RAPH1: variants seen among roughly 807,000 people sequenced by gnomAD.
RAPH1 encodes the protein ras-associated and pleckstrin homology domains-containing protein 1.
In RAPH1, 18 loss-of-function variants were observed where a neutral mutation model predicts 88.1. That is an observed-to-expected ratio of 0.20 (90% CI 0.14 to 0.30). The LOEUF is 0.30. Among genes scored for constraint, RAPH1 ranks in the 10% least tolerant of loss-of-function variants. RAPH1 has a pLI of 1.00. For synonymous variants in RAPH1, 587 were observed against 559.0 expected, an observed-to-expected ratio of 1.05 and a Z score of -0.71; for missense variants, 1,448 against 1,543.2, an observed-to-expected ratio of 0.94 and a Z score of 1.03.
chr2:203,491,143 T>G, intron 3 of RAPH1, 71 bp downstream of exon 3: 2 of 844,410 alleles, frequency 2.4e-6, no homozygotes, highest in Non-Finnish European at 3.7e-6. Context: ...TATTGGGAAT[T>G]GCAGTTGTAC....
intron 1 of RAPH1, among the ~76,000 whole-genome samples, chr2:203,531,772 C>T (rs1690400220): frequency 6.6e-6 from 1 of 152,162 alleles, no homozygotes; most frequent in Non-Finnish European, 1.5e-5. Flanking sequence ...GAAACTGGAA[C>T]CTTTGTGCAT....
chr2:203,489,971 C>T lies in RAPH1; in HGVS notation c.345G>A (p.Thr115=), dbSNP rs774565613. ...SGNSKRQITE[T]KATQKLPVSR... ...TAACAGGCAATTTCTGAGTAGCTTT[C>T]GTTTCTGTGATTTGACGCTTACTGT... Residue 115 remains threonine, a synonymous_variant, in exon 4 of 14, where the codon ACG becomes ACA. Coordinates refer to ENST00000319170, the MANE Select transcript of RAPH1 (RefSeq NM_213589.3). 2.5e-6 allele frequency: 4 copies of T among 1,614,068 alleles called. No individual in the cohort carries two copies. Among genetic ancestry groups the T allele is most frequent in the East Asian group, 4.5e-5 (2 of 44,900 alleles).
chr2:203,472,202 A>G (rs1274621018), intron 4 of RAPH1, among the ~76,000 whole-genome samples: 1 of 150,464 alleles, frequency 6.6e-6, no homozygotes, highest in Non-Finnish European at 1.5e-5. Flanking sequence ...GCGTGATCTC[A>G]GCTCACTGCA....
At chr2:203,491,347 T>C (rs1158820636) in intron 2 of RAPH1, 28 bp from the exon 3 acceptor site, 6 of 1,435,794 alleles carry the variant, frequency 4.2e-6, no homozygotes, top group Middle Eastern at 1.8e-4. Flanking sequence ...TTAATAGTCA[T>C]ATTAAATTCA....
chr2:203,529,358 G>GT (rs894248514), intron 1 of RAPH1, among the ~76,000 whole-genome samples: 101 of 151,902 alleles, frequency 6.6e-4, no homozygotes, highest in African/African-American at 2.4e-3. Flanking sequence ...AAGCATCCAA[G>GT]TTTTTTATTG....
Position 203,495,238 on chromosome 2 carries a change from G to T in RAPH1, c.116C>A (p.Thr39Asn), listed in dbSNP as rs1413484264. The change falls in exon 2 of 14, where the codon ACT becomes AAT. Residue 39 changes from threonine to asparagine, a missense_variant. By Grantham distance (65) the Thr-to-Asn change is moderately conservative. Transcript: ENST00000319170. ...AGTTTTTCAAGCACTACTCACCTGA[G>T]TGAGTTTGTCTAGTTCTCCAAGCCA... ...GAWLGELDKL[T>N]QSLDSDKPME... is the part of the protein sequence containing the mutation. 1 of 1,613,984 alleles carries T rather than the reference G, an allele frequency of 6.2e-7. No individual in the cohort carries two copies. The highest frequency in any genetic ancestry group is 1.1e-5 in the South Asian group (1 of 91,066).
At chr2:203,505,223 T>G (rs567156137) in intron 1 of RAPH1, among the ~76,000 whole-genome samples, 1 of 152,050 alleles carries the variant, frequency 6.6e-6, no homozygotes, top group Non-Finnish European at 1.5e-5. Flanking sequence ...AAACCTGAGA[T>G]TGGGAAGAAA....
chr2:203,469,487 T>C (rs1390348653), intron 4 of RAPH1, among the ~76,000 whole-genome samples: 1 of 152,198 alleles, frequency 6.6e-6, no homozygotes. Flanking sequence ...AAACCTCAGA[T>C]ACAATAACAA....
chr2:203,520,973 T>C (rs1455432595), intron 1 of RAPH1, among the ~76,000 whole-genome samples: 2 of 152,222 alleles, frequency 1.3e-5, no homozygotes, highest in Non-Finnish European at 2.9e-5. Flanking sequence ...ATCGGCTCAT[T>C]CTGATAAAAA....
rs1405718401 is a variant in RAPH1, at chr2:203,434,285, AT to A, written c.*5151del. On this transcript the variant is annotated 3_prime_UTR_variant, in exon 14 of 14. Coordinates refer to ENST00000319170, the MANE Select transcript of RAPH1 (RefSeq NM_213589.3). ...ATGCTTTAAAAAAGTATACTTCTACATTGTATCTACCTATGGCAAAGCTCCC... is the reference window on the plus strand; with the variant it reads ...ATGCTTTAAAAAAGTATACTTCTACATGTATCTACCTATGGCAAAGCTCCC... The A allele has an allele frequency of 6.6e-6, 1 of 152,532 alleles. No individual in the cohort carries two copies. The highest frequency in any genetic ancestry group is 2.4e-5 in the African/African-American group (1 of 41,412). The allele number at this position is 152,532 out of a possible 1,614,324, so 9.4% of individuals were successfully genotyped here. A position where few individuals can be genotyped will look rare whatever the true frequency, so the allele number is the denominator to read the frequency against.
At chr2:203,450,307 A>C (rs1559452632) in intron 10 of RAPH1, among the ~76,000 whole-genome samples, 1 of 152,210 alleles carries the variant, frequency 6.6e-6, no homozygotes, top group Non-Finnish European at 1.5e-5. Flanking sequence ...ATTTAATACC[A>C]AAACCAATTT....
At chr2:203,457,656 A>C in intron 7 of RAPH1, 61 bp from the exon 8 acceptor site, 1 of 1,230,896 alleles carries the variant, frequency 8.1e-7, no homozygotes, top group Non-Finnish European at 1.2e-6. Flanking sequence ...TTAAAGCATA[A>C]ATCCATTCTG....
rs2098500064 is a variant in RAPH1 at position 203,438,231 on chromosome 2, G to T, written c.*1206C>A. On this transcript the variant is annotated 3_prime_UTR_variant, in exon 14 of 14. Coordinates refer to ENST00000319170, the MANE Select transcript of RAPH1 (RefSeq NM_213589.3). ...TGAAACTGTCTTCCCTCTCCATGTA[G>T]TCCCATACTTAATGAGCTTTTTGTA... The T allele has an allele frequency of 1.9e-6, 1 of 515,178 alleles. No individual in the cohort carries two copies. The highest frequency in any genetic ancestry group is 1.4e-5 in the South Asian group (1 of 70,496). 31.9% of individuals were successfully genotyped at this position (515,178 alleles called of 1,614,324 possible). A position where few individuals can be genotyped will look rare whatever the true frequency, so the allele number is the denominator to read the frequency against.
intron 1 of RAPH1, among the ~76,000 whole-genome samples, chr2:203,499,729 A>C (rs1328153050): frequency 6.6e-6 from 1 of 152,172 alleles, no homozygotes; most frequent in East Asian, 1.9e-4. Flanking sequence ...AAAAAACTTA[A>C]GAAACTTACT....
chr2:203,499,991 G>A (rs1439095592), intron 1 of RAPH1, among the ~76,000 whole-genome samples: 1 of 152,148 alleles, frequency 6.6e-6, no homozygotes, highest in East Asian at 1.9e-4. Flanking sequence ...GGACAGCAGA[G>A]TGCTATCAGA....
chr2:203,471,055 C>G (rs2098532668), intron 4 of RAPH1, among the ~76,000 whole-genome samples: 1 of 152,180 alleles, frequency 6.6e-6, no homozygotes, highest in Non-Finnish European at 1.5e-5. Context: ...CTTAACTTTT[C>G]AGTAACATGT....
chr2:203,450,146 A>G (rs1212532969), intron 10 of RAPH1, among the ~76,000 whole-genome samples: 2 of 152,218 alleles, frequency 1.3e-5, no homozygotes, highest in Non-Finnish European at 2.9e-5. Context: ...AGCAATTTAA[A>G]TAAGTTTTCA....
intron 1 of RAPH1, among the ~76,000 whole-genome samples, chr2:203,514,353 GT>G (rs747324394): frequency 6.6e-6 from 1 of 152,008 alleles, no homozygotes; most frequent in Non-Finnish European, 1.5e-5. Flanking sequence ...TACTTTTAGG[GT>G]TTTTTTGTTT....
Position 203,439,993 on chromosome 2 carries a change from G to A in RAPH1, c.3197C>T (p.Ser1066Phe), listed in dbSNP as rs1225868770. Residue 1066 changes from serine to phenylalanine, a missense_variant, in exon 14 of 14, where the codon TCT becomes TTT. Coordinates refer to ENST00000319170, the MANE Select transcript of RAPH1 (RefSeq NM_213589.3). The stretch of plus-strand genomic sequence containing the variant: ...TGGAAAATCAGAATCGGATGGAGGA[G>A]AAGGAAATTCCACCACGGAGTCCTT... Reference protein sequence around the residue: ...RGKDSVVEFPSPPSDSDFPPP... With the variant: ...RGKDSVVEFPFPPSDSDFPPP... 1 of 1,613,698 alleles carries A rather than the reference G, an allele frequency of 6.2e-7. No homozygotes were observed. Among genetic ancestry groups the A allele is most frequent in the Non-Finnish European group, 8.5e-7 (1 of 1,179,976 alleles).
Sources: allele counts gnomAD v4.1 joint callset (sites outside exome capture counted in the v4.1 genomes callset), GRCh38; gene constraint gnomAD v4.1.1; transcripts MANE v1.5; gene names NCBI Gene and HGNC (gene_info 2026-07-23, HGNC 2026-07-21).